Variants in GPC6 observed in about 807,000 individuals in gnomAD.
GPC6 encodes the protein glypican 6, also known as glypican-6.
Under a neutral mutation model 55.2 loss-of-function variants are expected in GPC6, and 14 were observed. The observed-to-expected ratio is 0.25, with a 90% CI of 0.17 to 0.40. The LOEUF (loss-of-function observed/expected upper bound fraction) is 0.40. GPC6 is among the 10% of genes least tolerant of loss of function. The probability of loss-of-function intolerance (pLI) is 1.00; values close to 1 mark genes in which losing one functional copy is unlikely to be tolerated. For synonymous variants in GPC6, 278 were observed against 259.6 expected, an observed-to-expected ratio of 1.07 and a Z score of -0.68; for missense variants, 641 against 708.5, an observed-to-expected ratio of 0.90 and a Z score of 1.08.
In GPC6 at chr13:93,688,432, A is replaced by G. The variant is rs2138776520; in HGVS notation, c.320-141722A>G. On this transcript the variant is annotated intron_variant, in intron 2 of 8. Coordinates refer to ENST00000377047, the MANE Select transcript of GPC6 (RefSeq NM_005708.5). Reference sequence around the variant, plus strand: ...AGCAATTTTACTCCTAGGTATAAATACAAAAGTTAAAAGCAGAGCGTTAGA... The same window carrying G: ...AGCAATTTTACTCCTAGGTATAAATGCAAAAGTTAAAAGCAGAGCGTTAGA... 1.3e-5 allele frequency among the ~76,000 whole-genome samples: 2 copies of G among 152,280 alleles called. 1 individual carries two copies. The highest frequency in any genetic ancestry group is 4.1e-4 in the South Asian group (2 of 4,832).
intron 4 of GPC6, among the ~76,000 whole-genome samples, chr13:94,075,098 A>G (rs945706703): frequency 2.0e-5 from 3 of 152,208 alleles, no homozygotes; most frequent in Non-Finnish European, 4.4e-5. Context: ...TGTATTTATC[A>G]TGTGATAGTA....
chr13:93,286,994 T>C (rs1171959738), intron 1 of GPC6, among the ~76,000 whole-genome samples: 1 of 152,122 alleles, frequency 6.6e-6, no homozygotes, highest in Non-Finnish European at 1.5e-5. Flanking sequence ...ACACAAACGT[T>C]GTTTCATGCA....
intron 3 of GPC6, among the ~76,000 whole-genome samples, chr13:93,911,459 T>C (rs1566599170): frequency 6.6e-6 from 1 of 151,926 alleles, no homozygotes. Flanking sequence ...TCTTTTTCCT[T>C]GGTCAATCAC....
intron 4 of GPC6, among the ~76,000 whole-genome samples, chr13:94,231,736 T>C (rs1890734236): frequency 2.6e-5 from 4 of 152,108 alleles, no homozygotes; most frequent in Admixed American, 2.6e-4. Flanking sequence ...TTTTTCCTAA[T>C]CTTGGGGTCA....
intron 2 of GPC6, among the ~76,000 whole-genome samples, chr13:93,625,930 T>C (rs1216674209): frequency 6.6e-6 from 1 of 152,196 alleles, no homozygotes; most frequent in East Asian, 1.9e-4. Context: ...TCCTTTGTTT[T>C]ACCTCACATT....
At chr13:93,729,147 G>A (rs1883741387) in intron 2 of GPC6, among the ~76,000 whole-genome samples, 1 of 152,128 alleles carries the variant, frequency 6.6e-6, no homozygotes, top group Admixed American at 6.6e-5. Context: ...TAGAAATAGA[G>A]GGTCTAATAG....
chr13:94,368,165 A>AAGTACCAC (rs1879369783), intron 6 of GPC6, among the ~76,000 whole-genome samples: 1 of 151,370 alleles, frequency 6.6e-6, no homozygotes, highest in Non-Finnish European at 1.5e-5. Flanking sequence ...AAAAAAAAAA[A>AAGTACCAC]AGTACCACAC....
At chr13:93,714,537 G>T (rs1395304708) in intron 2 of GPC6, among the ~76,000 whole-genome samples, 1 of 151,880 alleles carries the variant, frequency 6.6e-6, no homozygotes, top group Non-Finnish European at 1.5e-5. Context: ...ATTTATCAAA[G>T]AAATTAAAAG....
chr13:93,597,794 A>T (rs1369580630), intron 2 of GPC6, among the ~76,000 whole-genome samples: 1 of 152,164 alleles, frequency 6.6e-6, no homozygotes, highest in Admixed American at 6.5e-5. Flanking sequence ...TGTTCGTCTT[A>T]TCAGTAAGGC....
At chr13:93,295,109 CA>C (rs71202577) in intron 1 of GPC6, among the ~76,000 whole-genome samples, 1,589 of 61,824 alleles carry the variant, frequency 0.026, 7 homozygotes, top group East Asian at 0.041. Context: ...TCTGTCTCTG[CA>C]AAAAAAAAAA....
chr13:94,089,875 A>G (rs919657691), intron 4 of GPC6, among the ~76,000 whole-genome samples: 3 of 152,194 alleles, frequency 2.0e-5, no homozygotes, highest in Non-Finnish European at 2.9e-5. Context: ...CAGAACCTTT[A>G]AATGAGATTG....
At chr13:94,292,354 G>A (rs988380633) in intron 5 of GPC6, among the ~76,000 whole-genome samples, 19 of 152,254 alleles carry the variant, frequency 1.2e-4, no homozygotes, top group Middle Eastern at 3.4e-3. Context: ...TTAAGTATTA[G>A]GAGAAAGTTC....
chr13:94,382,073 T>G (rs937715661), intron 6 of GPC6, among the ~76,000 whole-genome samples: 1 of 152,218 alleles, frequency 6.6e-6, no homozygotes, highest in Non-Finnish European at 1.5e-5. Flanking sequence ...TTCTAGAGAC[T>G]ATACTTGGGG....
At chr13:93,657,150 C>A (rs2139607030) in intron 2 of GPC6, among the ~76,000 whole-genome samples, 1 of 151,884 alleles carries the variant, frequency 6.6e-6, no homozygotes, top group South Asian at 2.1e-4. Flanking sequence ...CAAAGCAATC[C>A]CAAGCAAAAG....
chr13:94,035,989 C>A (rs1420705262), intron 4 of GPC6, among the ~76,000 whole-genome samples: 1 of 151,980 alleles, frequency 6.6e-6, no homozygotes, highest in Non-Finnish European at 1.5e-5. Context: ...GTCTTTGTGA[C>A]TTGTTTATTG....
chr13:93,871,723 C>G (rs1889138534), intron 3 of GPC6, among the ~76,000 whole-genome samples: 1 of 151,914 alleles, frequency 6.6e-6, no homozygotes, highest in Non-Finnish European at 1.5e-5. Context: ...GTAGAGACTA[C>G]TGGTTTTACT....
At chr13:93,633,157 G>A (rs1879533248) in intron 2 of GPC6, among the ~76,000 whole-genome samples, 1 of 152,134 alleles carries the variant, frequency 6.6e-6, no homozygotes, top group African/African-American at 2.4e-5. Context: ...TGATTACTCA[G>A]TAAATTTACA....
intron 4 of GPC6, among the ~76,000 whole-genome samples, chr13:94,186,304 T>C (rs1594036113): frequency 6.6e-6 from 1 of 152,188 alleles, no homozygotes; most frequent in Non-Finnish European, 1.5e-5. Flanking sequence ...GCAGTAACTA[T>C]AATTTCTGCC....
chr13:94,300,512 T>G (rs1295596216), intron 5 of GPC6, among the ~76,000 whole-genome samples: 1 of 152,194 alleles, frequency 6.6e-6, no homozygotes, highest in African/African-American at 2.4e-5. Context: ...TCAGCTTCTT[T>G]AATCTCAGAA....
Sources: allele counts gnomAD v4.1 joint callset (sites outside exome capture counted in the v4.1 genomes callset), GRCh38; gene constraint gnomAD v4.1.1; transcripts MANE v1.5; gene names NCBI Gene and HGNC (gene_info 2026-07-23, HGNC 2026-07-21).